Variants in SEPTIN14 observed in about 807,000 individuals in gnomAD.
SEPTIN14 encodes septin-14.
In SEPTIN14, 40 loss-of-function variants were observed where a neutral mutation model predicts 53.6. The ratio of observed to expected loss-of-function variants is 0.75; its 90% CI spans 0.58 to 0.97. SEPTIN14 has a LOEUF of 0.97. Among genes scored for constraint, SEPTIN14 ranks in the 50% least tolerant of loss-of-function variants. The pLI, the probability that SEPTIN14 is intolerant of heterozygous loss-of-function variation, is 0.00. For synonymous variants in SEPTIN14, 138 were observed against 166.8 expected, an observed-to-expected ratio of 0.83 and a Z score of 1.33; for missense variants, 471 against 508.2, an observed-to-expected ratio of 0.93 and a Z score of 0.70.
At chr7:55,828,169 C>T (rs1789023212) in intron 6 of SEPTIN14, among the ~76,000 whole-genome samples, 1 of 150,736 alleles carries the variant, frequency 6.6e-6, no homozygotes, top group African/African-American at 2.4e-5. Flanking sequence ...AGATCCAAGA[C>T]AAAGCTGAAA....
At chr7:55,844,997 G>A (rs1451542784) in intron 3 of SEPTIN14, among the ~76,000 whole-genome samples, 1 of 151,152 alleles carries the variant, frequency 6.6e-6, no homozygotes, top group African/African-American at 2.4e-5. Flanking sequence ...AGGGTTTGTT[G>A]TACAGATTAT....
chr7:55,850,953 T>C (rs113190642), intron 2 of SEPTIN14: 5,718 of 151,916 alleles, frequency 0.038, 135 homozygotes, highest in Admixed American at 0.058. Flanking sequence ...GGCGGAGGCC[T>C]GTAACCCCAG....
At position 55,830,038 on chromosome 7, in the gene SEPTIN14, C is replaced by T. The variant is rs192575375; in HGVS notation, c.720+4387G>A. The stretch of plus-strand genomic sequence containing the variant: ...CTGAAAATACAAAAAATTAGCCGGG[C>T]GTGGTGGCGGGCGCCTATAGTCCCA... On this transcript the variant is annotated intron_variant, in intron 6 of 9. Coordinates refer to ENST00000388975, the MANE Select transcript of SEPTIN14 (RefSeq NM_207366.3). Among the ~76,000 whole-genome samples, 210 of 150,314 alleles carry T rather than the reference C, an allele frequency of 1.4e-3. 2 individuals are homozygous for T. Among genetic ancestry groups the T allele is most frequent in the Middle Eastern group, 0.01 (3 of 290 alleles).
chr7:55,821,901 G>A (rs2116001625), intron 6 of SEPTIN14, among the ~76,000 whole-genome samples: 1 of 152,230 alleles, frequency 6.6e-6, no homozygotes, highest in South Asian at 2.1e-4. Flanking sequence ...AGGCTTAATT[G>A]GACTTACAGT....
chr7:55,857,580 G>C (rs1192899617), intron 2 of SEPTIN14, among the ~76,000 whole-genome samples: 1 of 69,716 alleles, frequency 1.4e-5, no homozygotes, highest in Non-Finnish European at 2.5e-5. Context: ...GGGAGCCTGT[G>C]TCTTTTTTTT....
intron 5 of SEPTIN14, among the ~76,000 whole-genome samples, chr7:55,836,969 A>G (rs549656072): frequency 6.6e-6 from 1 of 152,332 alleles, no homozygotes; most frequent in African/African-American, 2.4e-5. Context: ...CTTCAACTAA[A>G]TAAAGATGTC....
chr7:55,822,830 G>A (rs564502846), intron 6 of SEPTIN14, among the ~76,000 whole-genome samples: 38 of 146,748 alleles, frequency 2.6e-4, no homozygotes, highest in Middle Eastern at 3.5e-3. Flanking sequence ...GAGAAAGGGA[G>A]TCAGGCTGGT....
chr7:55,816,153 T>G (rs535052078), intron 7 of SEPTIN14, among the ~76,000 whole-genome samples: 1 of 152,130 alleles, frequency 6.6e-6, no homozygotes, highest in Non-Finnish European at 1.5e-5. Flanking sequence ...ATTAAAACAA[T>G]TGAACCCATG....
chr7:55,860,987 A>G (rs1460853831), intron 2 of SEPTIN14, among the ~76,000 whole-genome samples: 4 of 152,196 alleles, frequency 2.6e-5, no homozygotes, highest in Admixed American at 2.0e-4. Context: ...GACACTTGCT[A>G]AAGATTTGTT....
At chr7:55,850,171 G>T (rs1789494542) in intron 2 of SEPTIN14, among the ~76,000 whole-genome samples, 1 of 152,018 alleles carries the variant, frequency 6.6e-6, no homozygotes, top group African/African-American at 2.4e-5. Context: ...AGATATAATG[G>T]CAATATAAAC....
At chr7:55,796,428 A>G (rs1457118821) in intron 9 of SEPTIN14, among the ~76,000 whole-genome samples, 5 of 151,798 alleles carry the variant, frequency 3.3e-5, no homozygotes, top group Non-Finnish European at 7.4e-5. Flanking sequence ...ATGCCCAGCT[A>G]ATTTTTGTAT....
Position 55,828,540 on chromosome 7 carries a change from G to A in SEPTIN14, c.720+5885C>T, listed in dbSNP as rs574240214. Reference sequence around the variant, plus strand: ...AGGATGGTCTCGATCTCCTGACCTCGTGATCCGCCCATCTCGGCCTCCCAA... The same window carrying A: ...AGGATGGTCTCGATCTCCTGACCTCATGATCCGCCCATCTCGGCCTCCCAA... On this transcript the variant is annotated intron_variant, in intron 6 of 9. Coordinates refer to ENST00000388975, the MANE Select transcript of SEPTIN14 (RefSeq NM_207366.3). 6.6e-5 allele frequency among the ~76,000 whole-genome samples: 10 copies of A among 152,130 alleles called. No homozygotes were observed. The South Asian group carries it at 8.3e-4, about 13-fold the overall frequency.
chr7:55,800,775 C>T (rs573963776), intron 9 of SEPTIN14, among the ~76,000 whole-genome samples: 7 of 152,236 alleles, frequency 4.6e-5, no homozygotes, highest in African/African-American at 1.7e-4. Context: ...TTTGATAGCA[C>T]AACAGGGTCA....
chr7:55,837,880 C>T (rs375757091), intron 5 of SEPTIN14, among the ~76,000 whole-genome samples: 47 of 152,284 alleles, frequency 3.1e-4, no homozygotes, highest in African/African-American at 1.0e-3. Flanking sequence ...TGGCTCCCAG[C>T]CCTCCCCATG....
intron 6 of SEPTIN14, among the ~76,000 whole-genome samples, chr7:55,826,996 G>T (rs903488306): frequency 1.3e-5 from 2 of 152,122 alleles, no homozygotes; most frequent in African/African-American, 4.8e-5. Flanking sequence ...GGGCCAGCCT[G>T]CCCCTCTCTA....
chr7:55,805,224 T>C (rs1314538229), intron 9 of SEPTIN14, 34 bp downstream of exon 9: 1 of 1,580,478 alleles, frequency 6.3e-7, no homozygotes, highest in Non-Finnish European at 8.6e-7. Flanking sequence ...CACCTAAAAA[T>C]TAATACAAAT....
At chr7:55,829,117 G>A (rs574401937) in intron 6 of SEPTIN14, among the ~76,000 whole-genome samples, 23 of 151,526 alleles carry the variant, frequency 1.5e-4, no homozygotes, top group African/African-American at 4.1e-4. Flanking sequence ...GGTGGCTCAC[G>A]CCTATAATCC....
intron 2 of SEPTIN14, among the ~76,000 whole-genome samples, chr7:55,857,353 C>CAA (rs1304877636): frequency 7.1e-6 from 1 of 140,054 alleles, no homozygotes; most frequent in Non-Finnish European, 1.5e-5. Flanking sequence ...GCCTGGGCAA[C>CAA]AAGAGGAAAA....
At chr7:55,814,654 T>C (rs867124325) in intron 7 of SEPTIN14, among the ~76,000 whole-genome samples, 7 of 152,042 alleles carry the variant, frequency 4.6e-5, no homozygotes, top group Non-Finnish European at 8.8e-5. Context: ...TTGAAAAGAA[T>C]GCAAAACAAT....
Sources: allele counts gnomAD v4.1 joint callset (sites outside exome capture counted in the v4.1 genomes callset), GRCh38; gene constraint gnomAD v4.1.1; transcripts MANE v1.5; gene names NCBI Gene and HGNC (gene_info 2026-07-23, HGNC 2026-07-21).